CDK7: variants seen among roughly 807,000 people sequenced by gnomAD.
CDK7 encodes the protein cyclin-dependent kinase 7.
CDK7 carries 25 observed loss-of-function variants against 49.1 expected under a neutral mutation model. The ratio of observed to expected loss-of-function variants is 0.51; its 90% CI spans 0.37 to 0.71. CDK7 has a LOEUF of 0.71. CDK7 is among the 30% of genes least tolerant of loss of function. CDK7 has a pLI of 0.00. For missense variants in CDK7, 316 were observed against 411.7 expected (o/e 0.77, Z 2.01); for synonymous variants, 107 against 140.0 (o/e 0.76, Z 1.67).
At position 69,275,530 on chromosome 5, in the gene CDK7, C is replaced by A. The variant is rs1445429642; in HGVS notation, c.865-1013C>A. ...TAGTATAGGTTGAGCATCCTTAATC[C>A]AAATATCCGAAATCTGAAATGCTCC... is the stretch of plus-strand genomic sequence containing the variant. On this transcript the variant is annotated intron_variant, in intron 10 of 11. Transcript: ENST00000256443. Among the ~76,000 whole-genome samples the A allele has an allele frequency of 3.3e-5, 5 of 152,016 alleles. No homozygotes were observed. The East Asian group carries it at 9.6e-4, about 29-fold the overall frequency.
In CDK7 at chr5:69,258,159, G is replaced by T; in HGVS notation, c.408+6G>T. Reference sequence around the variant, plus strand: ...AACATTGGATCCTACATAGGGTAAGGTTTTTAATATTGCTTCTTTATACTA... The same window carrying T: ...AACATTGGATCCTACATAGGGTAAGTTTTTTAATATTGCTTCTTTATACTA... On this transcript the variant is annotated splice_donor_region_variant and intron_variant, in intron 6 of 11. Coordinates refer to ENST00000256443, the MANE Select transcript of CDK7 (RefSeq NM_001799.4). 7.4e-7 allele frequency: 1 copy of T among 1,348,594 alleles called. No homozygotes were observed. The highest frequency in any genetic ancestry group is 1.0e-6 in the Non-Finnish European group (1 of 966,964). 83.5% of individuals were successfully genotyped at this position (1,348,594 alleles called of 1,614,324 possible). A position where few individuals can be genotyped will look rare whatever the true frequency, so the allele number is the denominator to read the frequency against.
At chr5:69,235,265 C>G (rs1430419975) in intron 1 of CDK7, 129 bp from the exon 2 acceptor site, 5 of 809,408 alleles carry the variant, frequency 6.2e-6, no homozygotes, top group East Asian at 2.6e-5. Context: ...GGAGACTGAC[C>G]CGCCACGTTT....
At chr5:69,276,730 A>C in intron 11 of CDK7, 40 bp downstream of exon 11, 1 of 1,568,488 alleles carries the variant, frequency 6.4e-7, no homozygotes, top group Non-Finnish European at 8.7e-7. Flanking sequence ...ATGAATTTAG[A>C]AAACTCCAAA....
chr5:69,248,169 C>G (rs1172097129), intron 2 of CDK7, among the ~76,000 whole-genome samples: 1 of 152,092 alleles, frequency 6.6e-6, no homozygotes, highest in Non-Finnish European at 1.5e-5. Flanking sequence ...CTGGGAAAGT[C>G]TTTATTTCTC....
At chr5:69,263,516 G>T (rs1270451771) in intron 8 of CDK7, among the ~76,000 whole-genome samples, 1 of 152,176 alleles carries the variant, frequency 6.6e-6, no homozygotes, top group African/African-American at 2.4e-5. Context: ...GGACAATATA[G>T]CAAGACCCCA....
chr5:69,235,106 C>A, intron 1 of CDK7, 65 bp downstream of exon 1: 1 of 1,473,146 alleles, frequency 6.8e-7, no homozygotes, highest in Non-Finnish European at 9.3e-7. Context: ...TCCACCTTTG[C>A]GGGTTTTCCC....
At chr5:69,246,066 A>G (rs1340515324) in intron 2 of CDK7, among the ~76,000 whole-genome samples, 1 of 152,148 alleles carries the variant, frequency 6.6e-6, no homozygotes, top group Non-Finnish European at 1.5e-5. Context: ...GAAAGGTGAA[A>G]GGGAAGCAAG....
At chr5:69,269,846 G>A (rs1751412618) in intron 9 of CDK7, among the ~76,000 whole-genome samples, 1 of 150,892 alleles carries the variant, frequency 6.6e-6, no homozygotes. Context: ...GCCTCCCAAA[G>A]TGCTGGCATT....
chr5:69,262,109 T>A, intron 7 of CDK7, 96 bp from the exon 8 acceptor site: 1 of 1,529,770 alleles, frequency 6.5e-7, no homozygotes, highest in Non-Finnish European at 9.0e-7. Flanking sequence ...GGATTGCCTT[T>A]AAAAACAGAA....
At chr5:69,274,868 G>T (rs536246940) in intron 10 of CDK7, among the ~76,000 whole-genome samples, 1 of 151,982 alleles carries the variant, frequency 6.6e-6, no homozygotes, top group South Asian at 2.1e-4. Flanking sequence ...CATCTGCCTC[G>T]GCCTCCCAAA....
chr5:69,244,296 C>T (rs185331065), intron 2 of CDK7, among the ~76,000 whole-genome samples: 2 of 152,142 alleles, frequency 1.3e-5, no homozygotes, highest in African/African-American at 4.8e-5. Flanking sequence ...ATTTTTGTAT[C>T]CTGCAACTTT....
Position 69,260,627 on chromosome 5 carries a change from C to G in CDK7, c.527+691C>G, listed in dbSNP as rs182852106. Among the ~76,000 whole-genome samples, 6 of 152,226 alleles carry G rather than the reference C, an allele frequency of 3.9e-5. No individual in the cohort carries two copies. The East Asian group carries it at 1.2e-3, about 29-fold the overall frequency. On this transcript the variant is annotated intron_variant, in intron 7 of 11. Coordinates refer to ENST00000256443, the MANE Select transcript of CDK7 (RefSeq NM_001799.4). ...ATCCTTCTATGTAAATGAAAATTCT[C>G]TAAACAGAGCAATGTCTTGATATTT...
chr5:69,245,880 G>A (rs905893837), intron 2 of CDK7, among the ~76,000 whole-genome samples: 12 of 152,040 alleles, frequency 7.9e-5, no homozygotes, highest in Non-Finnish European at 1.6e-4. Flanking sequence ...GGATTTCTGC[G>A]GTATTGGTTG....
upstream of CDK7, chr5:69,234,813 G>A: frequency 1.4e-6 from 1 of 696,620 alleles, no homozygotes; most frequent in Non-Finnish European, 2.5e-6. Context: ...AACCGCCTGG[G>A]CCTAGCGCAG....
chr5:69,261,702 T>C (rs1281081319), intron 7 of CDK7, among the ~76,000 whole-genome samples: 3 of 152,232 alleles, frequency 2.0e-5, no homozygotes, highest in Non-Finnish European at 2.9e-5. Flanking sequence ...GGTTAATTTT[T>C]TGTATTTTTA....
intron 2 of CDK7, among the ~76,000 whole-genome samples, chr5:69,236,153 A>G (rs1263855979): frequency 6.6e-6 from 1 of 151,914 alleles, no homozygotes. Context: ...AGGCAGGAGA[A>G]TCACTTGAAC....
chr5:69,270,612 C>G (rs1181279887), intron 9 of CDK7, among the ~76,000 whole-genome samples: 1 of 152,166 alleles, frequency 6.6e-6, no homozygotes, highest in Non-Finnish European at 1.5e-5. Context: ...TATAGCTATG[C>G]TTACTTTCCT....
chr5:69,260,573 TTTA>T (rs1750752727), intron 7 of CDK7, among the ~76,000 whole-genome samples: 2 of 152,228 alleles, frequency 1.3e-5, no homozygotes, highest in Non-Finnish European at 2.9e-5. Context: ...TGGACCCATT[TTTA>T]TTATGTTGGT....
chr5:69,236,957 T>C (rs1021758260), intron 2 of CDK7, among the ~76,000 whole-genome samples: 12 of 143,014 alleles, frequency 8.4e-5, no homozygotes, highest in African/African-American at 3.2e-4. Context: ...TGGCCTTCTT[T>C]TTTTTTTTTT....
Sources: gnomAD v4.1 joint callset for allele counts (sites outside exome capture counted in the v4.1 genomes callset) on GRCh38, gnomAD v4.1.1 for gene constraint, MANE v1.5 for transcripts, NCBI Gene and HGNC (gene_info 2026-07-23, HGNC 2026-07-21) for gene names.